SUCLA2: variants seen among roughly 807,000 people sequenced by gnomAD.
SUCLA2 encodes succinate--CoA ligase [ADP-forming] subunit beta, mitochondrial.
A neutral mutation model predicts 54.8 loss-of-function variants in SUCLA2; 30 were observed. The observed-to-expected ratio is 0.55, with a 90% confidence interval of 0.41 to 0.74. SUCLA2 has a LOEUF of 0.74. SUCLA2 is among the 30% of genes least tolerant of loss of function. The probability of loss-of-function intolerance (pLI) is 0.00; values close to 1 mark genes in which losing one functional copy is unlikely to be tolerated. For missense variants in SUCLA2, 476 were observed against 562.9 expected, an observed-to-expected ratio of 0.85 and a Z score of 1.56; for synonymous variants, 172 against 188.9, an observed-to-expected ratio of 0.91 and a Z score of 0.74.
chr13:47,959,444 AGG>A, intron 6 of SUCLA2, among the ~76,000 whole-genome samples: 1 of 124,052 alleles, frequency 8.1e-6, no homozygotes, highest in Non-Finnish European at 1.6e-5. Context: ...AAGGAGGAGG[AGG>A]GGGAGGAGGA....
intron 6 of SUCLA2, among the ~76,000 whole-genome samples, chr13:47,961,460 A>G (rs1046448624): frequency 1.3e-5 from 2 of 152,164 alleles, no homozygotes; most frequent in African/African-American, 4.8e-5. Context: ...TAAAACTTTG[A>G]TATTTGGCAA....
chr13:47,954,674 GA>G, intron 6 of SUCLA2, 117 bp from the exon 7 acceptor site: 1 of 1,114,580 alleles, frequency 9.0e-7, no homozygotes, highest in South Asian at 1.5e-5. Context: ...GTTACTTAAT[GA>G]AAATATTTCA....
At chr13:47,999,661 C>G (rs974678047) in intron 1 of SUCLA2, among the ~76,000 whole-genome samples, 1 of 151,118 alleles carries the variant, frequency 6.6e-6, no homozygotes, top group East Asian at 2.0e-4. Context: ...GAGCCAAGAT[C>G]GCGCCACTGC....
In SUCLA2 at chr13:47,991,823, T is replaced by C. The variant is rs555401161; in HGVS notation, c.272-2842A>G. 11 of 152,336 alleles carry C rather than the reference T, an allele frequency of 7.2e-5. 1 individual carries two copies. Among genetic ancestry groups the C allele is most frequent in the African/African-American group, 2.6e-4 (11 of 41,572 alleles). The allele number at this position is 152,336 out of a possible 1,614,324, so 9.4% of individuals were successfully genotyped here. On this transcript the variant is annotated intron_variant, in intron 2 of 10. Coordinates refer to ENST00000646932, the MANE Select transcript of SUCLA2 (RefSeq NM_003850.3). ...AGAGCTGATTAGAAAAAGTATCTTG[T>C]TTAGATAAGACAAACCCTTTTCAAT... is the stretch of plus-strand genomic sequence containing the variant.
intron 2 of SUCLA2, 123 bp downstream of exon 2, chr13:47,996,715 CTATTT>C: frequency 1.3e-6 from 1 of 765,752 alleles, no homozygotes; most frequent in South Asian, 2.0e-5. Flanking sequence ...GTTCTACCTT[CTATTT>C]TAAGCAAAGA....
chr13:47,999,216 G>A (rs1221540965), intron 1 of SUCLA2, among the ~76,000 whole-genome samples: 2 of 151,970 alleles, frequency 1.3e-5, no homozygotes, highest in African/African-American at 4.8e-5. Flanking sequence ...AGAACACTTT[G>A]GGGACAACTA....
At chr13:47,977,933 A>C (rs879685663) in intron 4 of SUCLA2, among the ~76,000 whole-genome samples, 2 of 152,196 alleles carry the variant, frequency 1.3e-5, no homozygotes, top group Non-Finnish European at 2.9e-5. Context: ...AAAGAGGATA[A>C]AATACCTAGA....
intron 2 of SUCLA2, among the ~76,000 whole-genome samples, chr13:47,993,893 G>C (rs1950170082): frequency 1.3e-5 from 2 of 151,844 alleles, no homozygotes; most frequent in East Asian, 1.9e-4. Flanking sequence ...AAATTAGCCG[G>C]GGTGGTGGCA....
At chr13:47,976,117 A>G (rs539346347) in intron 4 of SUCLA2, among the ~76,000 whole-genome samples, 1 of 152,286 alleles carries the variant, frequency 6.6e-6, no homozygotes, top group Non-Finnish European at 1.5e-5. Flanking sequence ...TTTTTGTTTA[A>G]TGCCTACACC....
Position 47,959,256 on chromosome 13 carries a change from G to C in SUCLA2, c.803-4699C>G, listed in dbSNP as rs762124344. ...GTTTTTTATGAAACAAGGTAGTAAG[G>C]AAACAAGTGGGGGAGAAAGGTATGA... On this transcript the variant is annotated intron_variant, in intron 6 of 10. Transcript: ENST00000646932. 2.2e-4 allele frequency among the ~76,000 whole-genome samples: 33 copies of C among 151,924 alleles called. 1 individual carries two copies. The highest frequency in any genetic ancestry group is 4.3e-4 in the Non-Finnish European group (29 of 67,990).
intron 5 of SUCLA2, among the ~76,000 whole-genome samples, chr13:47,969,890 C>T (rs1217873724): frequency 3.9e-5 from 6 of 151,970 alleles, no homozygotes; most frequent in African/African-American, 9.7e-5. Context: ...TCACTTGAAG[C>T]CAGGAGTTTG....
chr13:47,981,925 C>T (rs1220888436), intron 4 of SUCLA2, among the ~76,000 whole-genome samples: 1 of 152,106 alleles, frequency 6.6e-6, no homozygotes, highest in East Asian at 1.9e-4. Flanking sequence ...ACTGGGGTTG[C>T]AGTGAGCCGA....
intron 10 of SUCLA2, among the ~76,000 whole-genome samples, chr13:47,948,361 G>A (rs1417795239): frequency 2.6e-5 from 4 of 151,814 alleles, no homozygotes; most frequent in East Asian, 3.9e-4. Context: ...ATACATATGC[G>A]TGCATGTGTG....
chr13:48,000,418 T>G (rs531182378), intron 1 of SUCLA2, among the ~76,000 whole-genome samples: 89 of 152,350 alleles, frequency 5.8e-4, no homozygotes, highest in African/African-American at 2.0e-3. Flanking sequence ...ACTTGTTCTC[T>G]TAACCATAAT....
intron 5 of SUCLA2, among the ~76,000 whole-genome samples, chr13:47,969,532 G>C (rs941223565): frequency 6.6e-6 from 1 of 152,144 alleles, no homozygotes. Flanking sequence ...AGAAGTTCTG[G>C]TTGACAAGTT....
chr13:47,988,983 T>C lies in SUCLA2; in HGVS notation c.272-2A>G, dbSNP rs565456094. 2 of 1,613,110 alleles carry C rather than the reference T, an allele frequency of 1.2e-6. No individual in the cohort carries two copies. Among genetic ancestry groups the C allele is most frequent in the East Asian group, 2.2e-5 (1 of 44,830 alleles). On this transcript the variant is annotated splice_acceptor_variant, in intron 2 of 10. Transcript: ENST00000646932. LOFTEE classifies it high-confidence loss of function. ...CCTTTATCACGACATCTTTTGAACC[T>C]AGAAGAAAAACACTTCTATTAAATA...
intron 2 of SUCLA2, chr13:47,994,750 T>A: frequency 1.2e-6 from 1 of 814,302 alleles, no homozygotes. Flanking sequence ...ACACACTTTC[T>A]AAATGAACAA....
intron 8 of SUCLA2, among the ~76,000 whole-genome samples, chr13:47,952,415 C>A (rs1454900920): frequency 6.6e-6 from 1 of 152,030 alleles, no homozygotes; most frequent in Non-Finnish European, 1.5e-5. Context: ...ATAGGAAGTA[C>A]AATATCTTTT....
chr13:47,962,583 A>T (rs1949879403), intron 6 of SUCLA2, among the ~76,000 whole-genome samples: 1 of 152,304 alleles, frequency 6.6e-6, no homozygotes, highest in African/African-American at 2.4e-5. Context: ...CTTTGGTGGA[A>T]GTGGTACACC....
Sources: allele counts gnomAD v4.1 joint callset (sites outside exome capture counted in the v4.1 genomes callset), GRCh38; gene constraint gnomAD v4.1.1; transcripts MANE v1.5; gene names NCBI Gene and HGNC (gene_info 2026-07-23, HGNC 2026-07-21).